The following SLC16A7 variants were observed in gnomAD, a reference collection of about 807,000 sequenced individuals.
The protein encoded by SLC16A7 is solute carrier family 16 member 7.
In SLC16A7, 33 loss-of-function variants were observed where a neutral mutation model predicts 34.9. That is an observed-to-expected ratio of 0.94 (90% CI 0.72 to 1.26). The LOEUF is 1.26. Among genes scored for constraint, SLC16A7 ranks in the 50% most tolerant of loss-of-function variants. The pLI, the probability that SLC16A7 is intolerant of heterozygous loss-of-function variation, is 0.00. For missense variants in SLC16A7, 573 were observed against 578.1 expected, an observed-to-expected ratio of 0.99 and a Z score of 0.09; for synonymous variants, 201 against 206.6, an observed-to-expected ratio of 0.97 and a Z score of 0.23.
Position 59,784,046 on chromosome 12 carries a change from T to G in SLC16A7, c.*4367T>G, listed in dbSNP as rs1439725778. The G allele has an allele frequency of 1.3e-5, 2 of 152,184 alleles. No individual in the cohort carries two copies. The highest frequency in any genetic ancestry group is 4.8e-5 in the African/African-American group (2 of 41,418). The allele number at this position is 152,184 out of a possible 1,614,324, so 9.4% of individuals were successfully genotyped here. ...AAATTATCTCAAATAATGATAATTA[T>G]TACATATAGACATAATTACTTCAAT... On this transcript the variant is annotated 3_prime_UTR_variant, in exon 6 of 6. Coordinates refer to ENST00000547379, the MANE Select transcript of SLC16A7 (RefSeq NM_001270623.2).
chr12:59,750,101 C>A (rs1187406684), intron 3 of SLC16A7, among the ~76,000 whole-genome samples: 2 of 152,070 alleles, frequency 1.3e-5, no homozygotes, highest in Non-Finnish European at 2.9e-5. Flanking sequence ...AGACTTTAAA[C>A]CATAAAAACC....
At chr12:59,639,524 G>A (rs923568282) in intron 1 of SLC16A7, among the ~76,000 whole-genome samples, 4 of 152,004 alleles carry the variant, frequency 2.6e-5, no homozygotes, top group African/African-American at 9.7e-5. Context: ...GCTGGGACGA[G>A]AGATGCAAGC....
chr12:59,616,587 A>G (rs908044152), intron 1 of SLC16A7, among the ~76,000 whole-genome samples: 3 of 152,166 alleles, frequency 2.0e-5, no homozygotes, highest in African/African-American at 7.2e-5. Context: ...AAATAGGCCC[A>G]TCGCCTTAGG....
rs528675868 is a variant in SLC16A7, at chr12:59,672,693, C to T, written c.-31+17443C>T. ...GCTTGCAGAAGAGAGTTTACATTCA[C>T]ATGTAAATTTACAGCAACATGTTGA... On this transcript the variant is annotated intron_variant, in intron 2 of 5. Coordinates refer to ENST00000547379, the MANE Select transcript of SLC16A7 (RefSeq NM_001270623.2). 2.2e-4 allele frequency among the ~76,000 whole-genome samples: 33 copies of T among 152,208 alleles called. No individual in the cohort carries two copies. In the South Asian group the frequency reaches 6.9e-3, roughly 32 times the overall value.
At chr12:59,655,783 T>A (rs1323432228) in intron 2 of SLC16A7, among the ~76,000 whole-genome samples, 2 of 151,852 alleles carry the variant, frequency 1.3e-5, no homozygotes, top group African/African-American at 2.4e-5. Context: ...TCTGATTTAA[T>A]CCTTCATACA....
At chr12:59,722,644 G>T (rs1225939643) in intron 3 of SLC16A7, among the ~76,000 whole-genome samples, 1 of 151,862 alleles carries the variant, frequency 6.6e-6, no homozygotes. Flanking sequence ...TACCTGGAAT[G>T]ATTTTCCCTT....
chr12:59,741,014 G>A (rs2137283426), intron 3 of SLC16A7, among the ~76,000 whole-genome samples: 1 of 152,206 alleles, frequency 6.6e-6, no homozygotes. Flanking sequence ...GGGACGTGAA[G>A]GACCTCTTCA....
intron 3 of SLC16A7, 106 bp from the exon 4 acceptor site, chr12:59,771,113 G>T: frequency 1.9e-6 from 2 of 1,051,612 alleles, no homozygotes; most frequent in South Asian, 3.1e-5. Context: ...TTTCTCCTCT[G>T]ACCATTAAAA....
At chr12:59,605,500 C>T (rs1878894614) in intron 1 of SLC16A7, among the ~76,000 whole-genome samples, 1 of 152,182 alleles carries the variant, frequency 6.6e-6, no homozygotes, top group Admixed American at 6.5e-5. Context: ...ATCAAATTTA[C>T]AGTGAAGAGG....
At chr12:59,766,130 CTGTT>C (rs1193918098) in intron 3 of SLC16A7, among the ~76,000 whole-genome samples, 18 of 151,578 alleles carry the variant, frequency 1.2e-4, no homozygotes, top group African/African-American at 2.9e-4. Context: ...ATTTAGCTCT[CTGTT>C]TGTTATTGGT....
intron 5 of SLC16A7, among the ~76,000 whole-genome samples, chr12:59,778,389 T>C (rs572654794): frequency 2.6e-5 from 4 of 152,280 alleles, no homozygotes; most frequent in South Asian, 2.1e-4. Flanking sequence ...CCAAATTTAA[T>C]GTTGAGCCAC....
At chr12:59,742,083 C>G (rs1592618753) in intron 3 of SLC16A7, among the ~76,000 whole-genome samples, 1 of 152,260 alleles carries the variant, frequency 6.6e-6, no homozygotes, top group East Asian at 1.9e-4. Flanking sequence ...TCCCATGATT[C>G]TTCCCTTAGG....
intron 3 of SLC16A7, among the ~76,000 whole-genome samples, chr12:59,711,980 A>C (rs1396099139): frequency 1.3e-5 from 2 of 152,242 alleles, no homozygotes; most frequent in African/African-American, 2.4e-5. Context: ...AGACTTTGCT[A>C]CTTGGTCATT....
chr12:59,702,805 T>C (rs952662005), intron 2 of SLC16A7, among the ~76,000 whole-genome samples: 2 of 151,310 alleles, frequency 1.3e-5, no homozygotes, highest in Admixed American at 6.6e-5. Context: ...TTTTGCTTGC[T>C]TTTTTTTCTC....
At chr12:59,731,807 T>C (rs1876986109) in intron 3 of SLC16A7, among the ~76,000 whole-genome samples, 1 of 152,170 alleles carries the variant, frequency 6.6e-6, no homozygotes, top group Non-Finnish European at 1.5e-5. Context: ...TCATGGCATT[T>C]TGTAATGAGG....
rs1883577474 is a variant in SLC16A7 at position 59,785,868 on chromosome 12, T to C, written c.*6189T>C. 1 of 151,928 alleles carries C rather than the reference T, an allele frequency of 6.6e-6. No homozygotes were observed. The highest frequency in any genetic ancestry group is 2.4e-5 in the African/African-American group (1 of 41,320). 9.4% of individuals were successfully genotyped at this position (151,928 alleles called of 1,614,324 possible). On this transcript the variant is annotated 3_prime_UTR_variant, in exon 6 of 6. Coordinates refer to ENST00000547379, the MANE Select transcript of SLC16A7 (RefSeq NM_001270623.2). ...ACTGATACTGAACATTCTATTAAAA[T>C]AGAATAAGTTCGTGTAGGGACATGG...
At chr12:59,603,821 T>C (rs1878803566) in intron 1 of SLC16A7, among the ~76,000 whole-genome samples, 1 of 152,216 alleles carries the variant, frequency 6.6e-6, no homozygotes, top group Non-Finnish European at 1.5e-5. Flanking sequence ...ATGTGTTGTT[T>C]TCATTATGTT....
chr12:59,717,040 C>A (rs1354285676), intron 3 of SLC16A7, among the ~76,000 whole-genome samples: 2 of 152,136 alleles, frequency 1.3e-5, no homozygotes, highest in African/African-American at 4.8e-5. Flanking sequence ...GCTGTAAAAT[C>A]TACGTAGCAA....
chr12:59,602,784 C>T (rs1878751863), intron 1 of SLC16A7, among the ~76,000 whole-genome samples: 1 of 152,132 alleles, frequency 6.6e-6, no homozygotes. Flanking sequence ...TGAGCCTGGC[C>T]AGACTTTTCT....
Sources: allele counts gnomAD v4.1 joint callset (sites outside exome capture counted in the v4.1 genomes callset), GRCh38; gene constraint gnomAD v4.1.1; transcripts MANE v1.5; gene names NCBI Gene and HGNC (gene_info 2026-07-23, HGNC 2026-07-21).